BCKDHB: variants seen among roughly 807,000 people sequenced by gnomAD.
BCKDHB encodes the protein branched chain keto acid dehydrogenase E1 subunit beta, also known as 2-oxoisovalerate dehydrogenase subunit beta, mitochondrial.
In BCKDHB, 41 loss-of-function variants were observed where a neutral mutation model predicts 48.5. That is an observed-to-expected ratio of 0.85 (90% CI 0.66 to 1.10). The LOEUF (loss-of-function observed/expected upper bound fraction) is 1.10. Ranked by LOEUF, BCKDHB falls within the 50% of genes least tolerant of loss-of-function variation. BCKDHB has a pLI of 0.00. For synonymous variants in BCKDHB, 201 were observed against 174.8 expected, an observed-to-expected ratio of 1.15 and a Z score of -1.18; for missense variants, 496 against 494.2, an observed-to-expected ratio of 1.00 and a Z score of -0.03.
At chr6:80,426,099 G>C in the BCKDHB span, among the ~76,000 whole-genome samples, 5 of 152,130 alleles carry the variant, frequency 3.3e-5, no homozygotes, top group Admixed American at 1.3e-4. Context: ...GGTAGAGAGA[G>C]TCTTCTTATA....
chr6:80,338,466 T>C (rs1769713792), intron 9 of BCKDHB, among the ~76,000 whole-genome samples: 1 of 152,190 alleles, frequency 6.6e-6, no homozygotes, highest in African/African-American at 2.4e-5. Context: ...CTGCCTTTCC[T>C]AGAGGCCTGA....
rs139358588 is a variant in BCKDHB at position 80,135,271 on chromosome 6, T to C, written c.343+6042T>C. ...GCAATCTGTGAGATGGGGGTTTGGT[T>C]TCTGGGTTGTTGAAACTAATTTTAT... On this transcript the variant is annotated intron_variant, in intron 3 of 9. Transcript: ENST00000320393. 1.7e-3 allele frequency among the ~76,000 whole-genome samples: 264 copies of C among 152,134 alleles called. 1 individual carries two copies. The highest frequency in any genetic ancestry group is 6.0e-3 in the African/African-American group (250 of 41,506).
At chr6:80,276,996 C>T (rs986242172) in intron 9 of BCKDHB, among the ~76,000 whole-genome samples, 2 of 151,972 alleles carry the variant, frequency 1.3e-5, no homozygotes, top group African/African-American at 2.4e-5. Context: ...GGGAAGATTT[C>T]TTGGTCAGTT....
the BCKDHB span, among the ~76,000 whole-genome samples, chr6:80,433,478 C>G: frequency 6.6e-6 from 1 of 152,142 alleles, no homozygotes; most frequent in Non-Finnish European, 1.5e-5. Flanking sequence ...ACCGCCTACT[C>G]GAGCCTCATC....
At chr6:80,315,236 T>C (rs898094100) in intron 9 of BCKDHB, among the ~76,000 whole-genome samples, 11 of 152,174 alleles carry the variant, frequency 7.2e-5, no homozygotes, top group African/African-American at 2.7e-4. Flanking sequence ...AACCGCTCTG[T>C]TGAGACTCCA....
rs142494833 is a variant in BCKDHB, at chr6:80,200,979, C to G, written c.788C>G (p.Ala263Gly). 1.9e-6 allele frequency: 3 copies of G among 1,613,004 alleles called. No individual in the cohort carries two copies. Among genetic ancestry groups the G allele is most frequent in the Non-Finnish European group, 2.5e-6 (3 of 1,179,370 alleles). The change falls in exon 7 of 10, where the codon GCC becomes GGC. Residue 263 changes from alanine to glycine, a missense_variant. Transcript: ENST00000320393. ...CCATACAACATCCCACTGTCCCAGGCCGAAGTCATACAGGAAGGGAGTGAT... is the reference window on the plus strand; with the variant it reads ...CCATACAACATCCCACTGTCCCAGGGCGAAGTCATACAGGAAGGGAGTGAT... ...IEPYNIPLSQ[A>G]EVIQEGSDVT...
intron 1 of BCKDHB, chr6:80,127,317 T>G (rs1013603524): frequency 1.2e-5 from 6 of 494,392 alleles, no homozygotes; most frequent in African/African-American, 3.9e-5. Context: ...CTTCCTGTTT[T>G]ATACTTTTAC....
intron 6 of BCKDHB, among the ~76,000 whole-genome samples, chr6:80,183,057 A>G (rs930394380): frequency 2.0e-5 from 3 of 152,132 alleles, no homozygotes; most frequent in African/African-American, 7.2e-5. Context: ...TGAAGAAAAC[A>G]TCTCTGCTTG....
chr6:80,159,871 T>G (rs1255421636), intron 3 of BCKDHB, among the ~76,000 whole-genome samples: 1 of 152,248 alleles, frequency 6.6e-6, no homozygotes, highest in Non-Finnish European at 1.5e-5. Flanking sequence ...TCAATCATTT[T>G]CCAGAAGGAT....
At chr6:80,399,355 A>G in the BCKDHB span, among the ~76,000 whole-genome samples, 15,695 of 152,018 alleles carry the variant, frequency 0.1, 2,333 homozygotes, top group African/African-American at 0.33. Context: ...AAAACCCCAT[A>G]GTCTTGGCCC....
Position 80,169,808 on chromosome 6 carries a change from C to T in BCKDHB, c.633+778C>T, listed in dbSNP as rs769555888. 7 of 1,603,934 alleles carry T rather than the reference C, an allele frequency of 4.4e-6. No individual in the cohort carries two copies. The South Asian group carries it at 5.6e-5, about 13-fold the overall frequency. On this transcript the variant is annotated intron_variant, in intron 5 of 9. Coordinates refer to ENST00000320393, the MANE Select transcript of BCKDHB (RefSeq NM_183050.4). ...TTTTTTTCTTATTTGTTTTTTCTAC[C>T]AGATCAAAGTTATAAGCTTATCTTA...
chr6:80,341,766 T>C (rs1259847676), intron 9 of BCKDHB, among the ~76,000 whole-genome samples: 4 of 152,152 alleles, frequency 2.6e-5, no homozygotes, highest in African/African-American at 9.7e-5. Flanking sequence ...ATGGATAGCT[T>C]GTTTATGAAG....
chr6:80,366,396 T>A, the BCKDHB span, among the ~76,000 whole-genome samples: 11 of 152,150 alleles, frequency 7.2e-5, no homozygotes, highest in Admixed American at 2.0e-4. Context: ...GGCTGTCTAG[T>A]GCAACCCTAG....
chr6:80,366,979 C>CA, the BCKDHB span, among the ~76,000 whole-genome samples: 42 of 152,284 alleles, frequency 2.8e-4, 1 homozygote, highest in East Asian at 4.6e-3. Flanking sequence ...CCCAGCCCAG[C>CA]AACAGGACTG....
intron 9 of BCKDHB, among the ~76,000 whole-genome samples, chr6:80,308,597 CTTTT>C (rs34359456): frequency 7.2e-6 from 1 of 138,620 alleles, no homozygotes. Context: ...TCTTCTTCTT[CTTTT>C]TTTTTTTTTT....
At chr6:80,292,191 A>G (rs1166247664) in intron 9 of BCKDHB, among the ~76,000 whole-genome samples, 2 of 152,212 alleles carry the variant, frequency 1.3e-5, no homozygotes, top group Non-Finnish European at 2.9e-5. Flanking sequence ...TGGCTCTATA[A>G]GTTAAGTTTG....
In BCKDHB at chr6:80,201,008, A is replaced by T. The variant is rs398124595; in HGVS notation, c.817A>T (p.Thr273Ser). The change falls in exon 7 of 10, where the codon ACT (threonine) becomes TCT (serine). Residue 273 changes from threonine (T) to serine (S), a missense_variant. Physicochemically the swap from Thr to Ser is moderately conservative, Grantham distance 58. Coordinates refer to ENST00000320393, the MANE Select transcript of BCKDHB (RefSeq NM_183050.4). Reference sequence around the variant, plus strand: ...AGTCATACAGGAAGGGAGTGATGTTACTCTAGTTGCCTGGGGCACTCAGGT... The same window carrying T: ...AGTCATACAGGAAGGGAGTGATGTTTCTCTAGTTGCCTGGGGCACTCAGGT... The part of the protein sequence containing the change: ...AEVIQEGSDV[T>S]LVAWGTQVHV... 1 of 1,612,182 alleles carries T rather than the reference A, an allele frequency of 6.2e-7. No individual in the cohort carries two copies.
downstream of BCKDHB, among the ~76,000 whole-genome samples, chr6:80,348,749 A>C (rs1413307967): frequency 1.3e-5 from 2 of 152,184 alleles, no homozygotes; most frequent in Middle Eastern, 3.2e-3. Context: ...TGGATGAGGA[A>C]CATGACCCCA....
At chr6:80,399,779 A>C in the BCKDHB span, among the ~76,000 whole-genome samples, 3 of 152,100 alleles carry the variant, frequency 2.0e-5, no homozygotes, top group Admixed American at 6.6e-5. Flanking sequence ...AATTAGCCTC[A>C]ATAGCGAAGG....
Sources: allele counts gnomAD v4.1 joint callset (sites outside exome capture counted in the v4.1 genomes callset), GRCh38; gene constraint gnomAD v4.1.1; transcripts MANE v1.5; gene names NCBI Gene and HGNC (gene_info 2026-07-23, HGNC 2026-07-21).